Variants in UMAD1 observed in about 807,000 individuals in gnomAD.
The protein encoded by UMAD1 is UBAP1-MVB12-associated (UMA)-domain containing protein 1.
A neutral mutation model predicts 6.1 loss-of-function variants in UMAD1; 8 were observed. That is an observed-to-expected ratio of 1.30 (90% CI 0.76 to 2.35). UMAD1 has a LOEUF of 2.35. Among genes scored for constraint, UMAD1 ranks in the 30% most tolerant of loss-of-function variants. The pLI, the probability that UMAD1 is intolerant of heterozygous loss-of-function variation, is 0.00. For missense variants in UMAD1, 130 were observed against 78.4 expected, an observed-to-expected ratio of 1.66 and a Z score of -2.49; for synonymous variants, 56 against 31.4, an observed-to-expected ratio of 1.78 and a Z score of -2.61.
At chr7:7,730,267 T>G (rs1781221811) in intron 2 of UMAD1, among the ~76,000 whole-genome samples, 1 of 152,208 alleles carries the variant, frequency 6.6e-6, no homozygotes, top group Admixed American at 6.5e-5. Context: ...AAAATACCAA[T>G]GTCTGCGATT....
chr7:7,663,691 G>A (rs1181634795), intron 1 of UMAD1, among the ~76,000 whole-genome samples: 1 of 152,172 alleles, frequency 6.6e-6, no homozygotes, highest in East Asian at 1.9e-4. Flanking sequence ...AGAACTCAAA[G>A]CCTCATCACA....
chr7:7,721,422 G>A (rs969350047), intron 2 of UMAD1, among the ~76,000 whole-genome samples: 7 of 152,142 alleles, frequency 4.6e-5, no homozygotes, highest in Admixed American at 3.3e-4. Flanking sequence ...GCACCTGCGT[G>A]AAAACCACAC....
chr7:7,873,118 A>G (rs1196831298), intron 3 of UMAD1, among the ~76,000 whole-genome samples: 1 of 152,232 alleles, frequency 6.6e-6, no homozygotes, highest in African/African-American at 2.4e-5. Flanking sequence ...CCTATGAAAT[A>G]GCTAACTGTT....
rs138956082 is a variant in UMAD1, at chr7:7,833,438, G to A, written c.156+31695G>A. 5.0e-3 allele frequency among the ~76,000 whole-genome samples: 767 copies of A among 152,228 alleles called. 7 individuals carry two copies. The highest frequency in any genetic ancestry group is 0.017 in the African/African-American group (722 of 41,542). ...GGGATTCAGAGATGGGCAAAGTACA[G>A]TTGTTAACTTTTAGGAATTTAGAAC... On this transcript the variant is annotated intron_variant, in intron 3 of 3. Transcript: ENST00000682710.
intron 2 of UMAD1, among the ~76,000 whole-genome samples, chr7:7,678,594 A>G (rs1441564336): frequency 1.5e-5 from 2 of 135,798 alleles, no homozygotes; most frequent in African/African-American, 5.5e-5. Flanking sequence ...ATATTTATAT[A>G]CTTAATTTAT....
At chr7:7,671,029 C>T (rs994802714) in intron 1 of UMAD1, among the ~76,000 whole-genome samples, 6 of 152,136 alleles carry the variant, frequency 3.9e-5, no homozygotes, top group Admixed American at 1.3e-4. Flanking sequence ...GGCACTGGGC[C>T]TCCTTGGGGG....
At chr7:7,662,686 A>C (rs1365040244) in intron 1 of UMAD1, among the ~76,000 whole-genome samples, 2 of 152,142 alleles carry the variant, frequency 1.3e-5, no homozygotes, top group African/African-American at 4.8e-5. Context: ...CGGGTACCTC[A>C]GTTGGAAATT....
At chr7:7,664,213 T>G (rs1173496168) in intron 1 of UMAD1, among the ~76,000 whole-genome samples, 1 of 152,192 alleles carries the variant, frequency 6.6e-6, no homozygotes, top group Non-Finnish European at 1.5e-5. Context: ...CTACTTTTCC[T>G]TTTCTTATTC....
intron 1 of UMAD1, among the ~76,000 whole-genome samples, chr7:7,670,921 C>T (rs1779589889): frequency 1.3e-5 from 2 of 152,178 alleles, no homozygotes; most frequent in South Asian, 2.1e-4. Context: ...ATTCTGCTTC[C>T]TGGGAGAGGC....
chr7:7,671,485 T>C (rs1230104133), intron 1 of UMAD1, among the ~76,000 whole-genome samples: 4 of 152,312 alleles, frequency 2.6e-5, no homozygotes, highest in African/African-American at 7.2e-5. Context: ...GAGGCTGAGT[T>C]TTAATTAGCT....
chr7:7,659,732 A>G (rs1026404196), intron 1 of UMAD1, among the ~76,000 whole-genome samples: 1 of 152,144 alleles, frequency 6.6e-6, no homozygotes, highest in Non-Finnish European at 1.5e-5. Flanking sequence ...TATGTGGTCA[A>G]TTTTAGAATA....
intron 2 of UMAD1, among the ~76,000 whole-genome samples, chr7:7,689,180 C>G (rs142391553): frequency 6.6e-6 from 1 of 152,098 alleles, no homozygotes; most frequent in African/African-American, 2.4e-5. Flanking sequence ...GGAATGGGCA[C>G]CCATCACATT....
chr7:7,814,182 C>T (rs1237485797), intron 3 of UMAD1, among the ~76,000 whole-genome samples: 1 of 152,138 alleles, frequency 6.6e-6, no homozygotes, highest in African/African-American at 2.4e-5. Context: ...GATGTATTTT[C>T]ACCATGTTGG....
intron 1 of UMAD1, among the ~76,000 whole-genome samples, chr7:7,666,188 GTT>G (rs1779451185): frequency 1.2e-4 from 3 of 25,896 alleles, no homozygotes; most frequent in Non-Finnish European, 9.8e-5. Flanking sequence ...AGTGTTTTTT[GTT>G]TGTTTGTTTG....
chr7:7,730,132 A>G (rs1419465690), intron 2 of UMAD1, among the ~76,000 whole-genome samples: 1 of 152,182 alleles, frequency 6.6e-6, no homozygotes, highest in Non-Finnish European at 1.5e-5. Flanking sequence ...GGGCACGATA[A>G]TGTATCTTTG....
At chr7:7,767,997 G>C (rs1426063508) in intron 2 of UMAD1, among the ~76,000 whole-genome samples, 1 of 151,950 alleles carries the variant, frequency 6.6e-6, no homozygotes, top group Non-Finnish European at 1.5e-5. Flanking sequence ...TGAACATACT[G>C]GTTTTTCTAT....
chr7:7,666,596 G>T (rs1779464857), intron 1 of UMAD1, among the ~76,000 whole-genome samples: 1 of 152,064 alleles, frequency 6.6e-6, no homozygotes, highest in Non-Finnish European at 1.5e-5. Context: ...GTTGACTGAT[G>T]ATATGGGTCA....
intron 1 of UMAD1, among the ~76,000 whole-genome samples, chr7:7,670,203 A>G (rs1309643538): frequency 1.3e-5 from 2 of 152,174 alleles, no homozygotes; most frequent in Admixed American, 6.5e-5. Context: ...GGGGTTGGAG[A>G]ATGACTTATT....
In UMAD1 at chr7:7,714,853, CTTTTTTTTT is replaced by C; in HGVS notation, c.82+41411_82+41419del. 1.8e-5 allele frequency among the ~76,000 whole-genome samples: 2 copies of C among 111,176 alleles called. 1 individual carries two copies. The highest frequency in any genetic ancestry group is 5.2e-4 in the East Asian group (2 of 3,822). The allele number at this position is 111,176 out of a possible 152,430, so 72.9% of individuals were successfully genotyped here. A position where few individuals can be genotyped will look rare whatever the true frequency, so the allele number is the denominator to read the frequency against. On this transcript the variant is annotated intron_variant, in intron 2 of 3. Transcript: ENST00000682710. ...ATGAACTGGTTGTTCAAAAATTTTT[CTTTTTTTTT>C]TTTTTTTTTTAGTTGATAGTAACAC...
Sources: gnomAD v4.1 joint callset for allele counts (sites outside exome capture counted in the v4.1 genomes callset) on GRCh38, gnomAD v4.1.1 for gene constraint, MANE v1.5 for transcripts, NCBI Gene and HGNC (gene_info 2026-07-23, HGNC 2026-07-21) for gene names.